The following MCTP1 variants were observed in gnomAD, a reference collection of about 807,000 sequenced individuals.
MCTP1 encodes multiple C2 and transmembrane domain-containing protein 1.
MCTP1 carries 69 observed loss-of-function variants against 120.6 expected under a neutral mutation model. That is an observed-to-expected ratio of 0.57 (90% CI 0.47 to 0.70). The LOEUF (loss-of-function observed/expected upper bound fraction) is 0.70. Ranked by LOEUF, MCTP1 falls within the 30% of genes least tolerant of loss-of-function variation. MCTP1 has a pLI of 0.00. For missense variants in MCTP1, 1,203 were observed against 1,248.8 expected (o/e 0.96, Z 0.55); for synonymous variants, 529 against 493.1 (o/e 1.07, Z -0.96).
At chr5:95,154,799 GT>G (rs960151322) in intron 1 of MCTP1, among the ~76,000 whole-genome samples, 15 of 152,052 alleles carry the variant, frequency 9.9e-5, no homozygotes, top group Non-Finnish European at 1.6e-4. Context: ...TATTAGAATA[GT>G]TTTTTTATAA....
chr5:95,181,630 A>G (rs1179024974), intron 1 of MCTP1, among the ~76,000 whole-genome samples: 1 of 152,138 alleles, frequency 6.6e-6, no homozygotes, highest in Non-Finnish European at 1.5e-5. Flanking sequence ...GACAATCCTC[A>G]CTTAGCACAC....
intron 1 of MCTP1, among the ~76,000 whole-genome samples, chr5:95,198,857 T>A (rs1750681957): frequency 6.6e-6 from 1 of 152,156 alleles, no homozygotes; most frequent in South Asian, 2.1e-4. Flanking sequence ...TAAGCATTGG[T>A]TGAGGTTTGG....
chr5:94,834,523 C>T (rs557772720), intron 17 of MCTP1, among the ~76,000 whole-genome samples: 7 of 152,150 alleles, frequency 4.6e-5, no homozygotes, highest in Non-Finnish European at 8.8e-5. Context: ...CTTTGAGATA[C>T]TAAGACTTTT....
In MCTP1 at chr5:94,879,480, A is replaced by G. The variant is rs183814701; in HGVS notation, c.1934-6239T>C. On this transcript the variant is annotated intron_variant, in intron 12 of 22. Coordinates refer to ENST00000515393, the MANE Select transcript of MCTP1 (RefSeq NM_024717.7). Reference sequence around the variant, plus strand: ...CAATACTACCCTCCTCCTAATTGATAATCATTGTCTAACAGCAATAATTCT... The same window carrying G: ...CAATACTACCCTCCTCCTAATTGATGATCATTGTCTAACAGCAATAATTCT... Among the ~76,000 whole-genome samples the G allele has an allele frequency of 2.4e-3, 366 of 152,240 alleles. 1 individual carries two copies. Among genetic ancestry groups the G allele is most frequent in the African/African-American group, 8.2e-3 (340 of 41,570 alleles).
intron 2 of MCTP1, among the ~76,000 whole-genome samples, chr5:95,007,069 G>A (rs772660906): frequency 1.2e-4 from 18 of 152,126 alleles, no homozygotes; most frequent in Non-Finnish European, 2.5e-4. Flanking sequence ...CATGGTGGAA[G>A]GGGAAGCAAA....
At chr5:94,901,769 T>C (rs1164427876) in intron 10 of MCTP1, among the ~76,000 whole-genome samples, 2 of 152,334 alleles carry the variant, frequency 1.3e-5, no homozygotes, top group Middle Eastern at 3.4e-3. Flanking sequence ...CTGCTGTCTC[T>C]GAACCAGTGA....
At chr5:94,732,284 C>G (rs545648278) in intron 19 of MCTP1, among the ~76,000 whole-genome samples, 1 of 152,242 alleles carries the variant, frequency 6.6e-6, no homozygotes, top group South Asian at 2.1e-4. Context: ...TGTGACTCAA[C>G]ACAACTTCGT....
intron 1 of MCTP1, among the ~76,000 whole-genome samples, chr5:95,196,513 C>A (rs939679134): frequency 1.6e-4 from 25 of 152,052 alleles, no homozygotes; most frequent in African/African-American, 5.8e-4. Flanking sequence ...GCTGGGAATA[C>A]AATAATGAAT....
At chr5:94,782,024 G>A (rs1313690703) in intron 18 of MCTP1, among the ~76,000 whole-genome samples, 1 of 151,988 alleles carries the variant, frequency 6.6e-6, no homozygotes, top group Non-Finnish European at 1.5e-5. Context: ...AGCTGCTTCC[G>A]AACATACCCC....
At chr5:94,967,493 T>C (rs1382564896) in intron 2 of MCTP1, among the ~76,000 whole-genome samples, 1 of 152,176 alleles carries the variant, frequency 6.6e-6, no homozygotes, top group African/African-American at 2.4e-5. Context: ...CACTAGGCTG[T>C]CTCCAAACAC....
chr5:95,066,922 C>G (rs531462091), intron 1 of MCTP1, among the ~76,000 whole-genome samples: 220 of 152,278 alleles, frequency 1.4e-3, no homozygotes, highest in African/African-American at 5.1e-3. Context: ...CTCACATGCG[C>G]AGTTCACAAT....
At chr5:94,980,462 T>C (rs925189393) in intron 2 of MCTP1, among the ~76,000 whole-genome samples, 1 of 152,166 alleles carries the variant, frequency 6.6e-6, no homozygotes, top group Admixed American at 6.6e-5. Flanking sequence ...AGCACAGCAC[T>C]GGAATTCAAT....
At chr5:94,828,028 GA>G (rs1328176823) in intron 17 of MCTP1, among the ~76,000 whole-genome samples, 1 of 152,012 alleles carries the variant, frequency 6.6e-6, no homozygotes, top group African/African-American at 2.4e-5. Context: ...TCCTTTGGAG[GA>G]GAAGAGGCAT....
chr5:94,738,346 T>C (rs538944254), intron 19 of MCTP1, among the ~76,000 whole-genome samples: 1 of 152,274 alleles, frequency 6.6e-6, no homozygotes, highest in African/African-American at 2.4e-5. Flanking sequence ...ATTCCTCTGC[T>C]TGAGAAAAAT....
intron 1 of MCTP1, among the ~76,000 whole-genome samples, chr5:95,142,735 G>A (rs182044945): frequency 2.2e-4 from 33 of 152,174 alleles, no homozygotes; most frequent in South Asian, 8.3e-4. Flanking sequence ...AGAGCTCACC[G>A]GCCTCTGACC....
intron 1 of MCTP1, among the ~76,000 whole-genome samples, chr5:95,257,796 T>TACACACATATACACACACAC (rs56080673): frequency 1.6e-5 from 2 of 125,366 alleles, no homozygotes; most frequent in Non-Finnish European, 3.3e-5. Context: ...CCAGAAAACA[T>TACACACATATACACACACAC]ACACACACAC....
At chr5:94,748,138 G>C (rs1199932166) in intron 19 of MCTP1, among the ~76,000 whole-genome samples, 1 of 152,180 alleles carries the variant, frequency 6.6e-6, no homozygotes, top group Non-Finnish European at 1.5e-5. Context: ...AAATTATACT[G>C]TTTGACCCAG....
intron 2 of MCTP1, among the ~76,000 whole-genome samples, chr5:94,986,904 C>T (rs1161328319): frequency 6.6e-6 from 1 of 152,146 alleles, no homozygotes; most frequent in African/African-American, 2.4e-5. Context: ...GATCCACATG[C>T]ACATGCTTGG....
At chr5:95,269,947 G>GAT (rs1348282244) in intron 1 of MCTP1, among the ~76,000 whole-genome samples, 1 of 152,164 alleles carries the variant, frequency 6.6e-6, no homozygotes, top group Non-Finnish European at 1.5e-5. Flanking sequence ...CTAAGAGATA[G>GAT]ATATATTTCG....
Sources: gnomAD v4.1 joint callset for allele counts (sites outside exome capture counted in the v4.1 genomes callset) on GRCh38, gnomAD v4.1.1 for gene constraint, MANE v1.5 for transcripts, NCBI Gene and HGNC (gene_info 2026-07-23, HGNC 2026-07-21) for gene names.